PGAP1: variants seen among roughly 807,000 people sequenced by gnomAD.
The protein encoded by PGAP1 is post-GPI attachment to proteins inositol deacylase 1.
PGAP1 carries 76 observed loss-of-function variants against 127.0 expected under a neutral mutation model. The observed-to-expected ratio is 0.60, with a 90% CI of 0.50 to 0.72. PGAP1 has a LOEUF of 0.72. PGAP1 is among the 30% of genes least tolerant of loss of function. PGAP1 has a pLI of 0.00. For missense variants in PGAP1, 982 were observed against 1,071.3 expected, an observed-to-expected ratio of 0.92 and a Z score of 1.16; for synonymous variants, 362 against 366.5, an observed-to-expected ratio of 0.99 and a Z score of 0.14.
intron 9 of PGAP1, 29 bp downstream of exon 9, chr2:196,892,317 G>GA (rs113817459): frequency 2.3e-4 from 267 of 1,183,034 alleles, no homozygotes; most frequent in African/African-American, 1.6e-3. Flanking sequence ...GAAAAAACAT[G>GA]AAAAAAAATC....
intron 12 of PGAP1, among the ~76,000 whole-genome samples, 190 bp from the exon 13 acceptor site, chr2:196,880,343 T>C (rs1701693299): frequency 6.6e-6 from 1 of 152,048 alleles, no homozygotes; most frequent in South Asian, 2.1e-4. Flanking sequence ...ATCAAGTTCC[T>C]AATAATTATT....
intron 12 of PGAP1, among the ~76,000 whole-genome samples, chr2:196,882,030 G>C (rs537759609): frequency 1.3e-5 from 2 of 152,180 alleles, no homozygotes; most frequent in South Asian, 4.2e-4. Flanking sequence ...TTTGTATATG[G>C]TGTAAAGAAG....
chr2:196,835,535 G>A lies in PGAP1; in HGVS notation c.*5699C>T, dbSNP rs1700215476. On this transcript the variant is annotated 3_prime_UTR_variant, in exon 27 of 27. Transcript: ENST00000354764. ...CAATCACACAAAATAGAACACACTA[G>A]GCTACAAATCTTGAATATTTTCAAA... 6.6e-6 allele frequency: 1 copy of A among 151,944 alleles called. No homozygotes were observed. Among genetic ancestry groups the A allele is most frequent in the Non-Finnish European group, 1.5e-5 (1 of 67,850 alleles). The allele number at this position is 151,944 out of a possible 1,614,324, so 9.4% of individuals were successfully genotyped here.
intron 2 of PGAP1, among the ~76,000 whole-genome samples, chr2:196,916,890 T>C (rs1210885240): frequency 1.3e-5 from 2 of 152,220 alleles, no homozygotes; most frequent in South Asian, 2.1e-4. Flanking sequence ...AAGGGCAGGA[T>C]TCTTTGAAGA....
intron 1 of PGAP1, among the ~76,000 whole-genome samples, chr2:196,921,300 CAG>C (rs1252811580): frequency 6.6e-6 from 1 of 152,008 alleles, no homozygotes; most frequent in Non-Finnish European, 1.5e-5. Context: ...GAAACATCTG[CAG>C]AGACTGTAAG....
chr2:196,901,341 T>C (rs1702481012), intron 5 of PGAP1, among the ~76,000 whole-genome samples: 1 of 152,232 alleles, frequency 6.6e-6, no homozygotes, highest in African/African-American at 2.4e-5. Context: ...CTTAATAATT[T>C]TTGTTCTATG....
chr2:196,892,660 C>A (rs1576165384), intron 8 of PGAP1, among the ~76,000 whole-genome samples: 1 of 152,078 alleles, frequency 6.6e-6, no homozygotes, highest in Non-Finnish European at 1.5e-5. Context: ...ATAAATATTT[C>A]ATTTCCCAAA....
rs952424290 is a variant in PGAP1, at chr2:196,840,174, C to G, written c.*1060G>C. On this transcript the variant is annotated 3_prime_UTR_variant, in exon 27 of 27. Coordinates refer to ENST00000354764, the MANE Select transcript of PGAP1 (RefSeq NM_024989.4). ...CACTGTTAAACCTAGTGGCTAATGTCTCCAATTTATTCAGGTGTACTGTTT... is the reference window on the plus strand; with the variant it reads ...CACTGTTAAACCTAGTGGCTAATGTGTCCAATTTATTCAGGTGTACTGTTT... 6.6e-6 allele frequency: 1 copy of G among 152,132 alleles called. No individual in the cohort carries two copies. The highest frequency in any genetic ancestry group is 1.5e-5 in the Non-Finnish European group (1 of 68,016). 9.4% of individuals were successfully genotyped at this position (152,132 alleles called of 1,614,324 possible). A position where few individuals can be genotyped will look rare whatever the true frequency, so the allele number is the denominator to read the frequency against.
At position 196,865,854 on chromosome 2, in the gene PGAP1, C is replaced by T. The variant is rs576334417; in HGVS notation, c.1768-774G>A. ...AACAGACAAACAGAGAGCCAAATCA[C>T]GAGTAACTCCCATTCACAATTGCTA... On this transcript the variant is annotated intron_variant, in intron 19 of 26. Transcript: ENST00000354764. Among the ~76,000 whole-genome samples the T allele has an allele frequency of 3.6e-4, 55 of 152,008 alleles. No homozygotes were observed. In the South Asian group the frequency reaches 7.9e-3, roughly 22 times the overall value.
intron 20 of PGAP1, among the ~76,000 whole-genome samples, chr2:196,861,378 G>A (rs1422915994): frequency 6.6e-6 from 1 of 152,148 alleles, no homozygotes; most frequent in Non-Finnish European, 1.5e-5. Context: ...ACAAAGTGAA[G>A]AGATAAGCCA....
At position 196,913,073 on chromosome 2, in the gene PGAP1, G is replaced by A; in HGVS notation, c.478-20C>T. On this transcript the variant is annotated intron_variant, in intron 3 of 26. Coordinates refer to ENST00000354764, the MANE Select transcript of PGAP1 (RefSeq NM_024989.4). Reference sequence around the variant, plus strand: ...TTGACCCTATTAAAATAAATCACCAGGTCATAATTGCGGCTTTGTATCATT... The same window carrying A: ...TTGACCCTATTAAAATAAATCACCAAGTCATAATTGCGGCTTTGTATCATT... The A allele has an allele frequency of 6.4e-7, 1 of 1,566,350 alleles. No homozygotes were observed. Among genetic ancestry groups the A allele is most frequent in the Non-Finnish European group, 8.7e-7 (1 of 1,153,988 alleles).
intron 23 of PGAP1, among the ~76,000 whole-genome samples, chr2:196,845,574 C>T (rs1223106051): frequency 1.3e-5 from 2 of 150,220 alleles, no homozygotes; most frequent in Admixed American, 6.6e-5. Context: ...ATATAAACTG[C>T]CCTAGTGAAA....
rs1223217514 is a variant in PGAP1 at position 196,839,459 on chromosome 2, T to C, written c.*1775A>G. 3 of 152,238 alleles carry C rather than the reference T, an allele frequency of 2.0e-5. No individual in the cohort carries two copies. Among genetic ancestry groups the C allele is most frequent in the African/African-American group, 7.2e-5 (3 of 41,466 alleles). 9.4% of individuals were successfully genotyped at this position (152,238 alleles called of 1,614,324 possible). A position where few individuals can be genotyped will look rare whatever the true frequency, so the allele number is the denominator to read the frequency against. ...TCTCCAGCTGAAACATATAGCACTT[T>C]GTATTTTATCTCTTCTGCTACTTCT... On this transcript the variant is annotated 3_prime_UTR_variant, in exon 27 of 27. Transcript: ENST00000354764.
intron 14 of PGAP1, among the ~76,000 whole-genome samples, 188 bp downstream of exon 14, chr2:196,875,558 T>C (rs1200561278): frequency 6.6e-6 from 1 of 152,108 alleles, no homozygotes; most frequent in Non-Finnish European, 1.5e-5. Context: ...ATGTATGTGA[T>C]TATGGAAGTT....
intron 20 of PGAP1, among the ~76,000 whole-genome samples, chr2:196,860,251 G>C (rs1701021668): frequency 6.6e-6 from 1 of 152,112 alleles, no homozygotes; most frequent in Non-Finnish European, 1.5e-5. Flanking sequence ...AATCAAGAGG[G>C]CTGGGCGCAG....
rs752507663 is a variant in PGAP1 at position 196,926,517 on chromosome 2, C to T, written c.100G>A (p.Glu34Lys). 20 of 1,614,050 alleles carry T rather than the reference C, an allele frequency of 1.2e-5. No individual in the cohort carries two copies. The highest frequency in any genetic ancestry group is 2.2e-5 in the South Asian group (2 of 91,090). The change falls in exon 1 of 27, where the codon GAG becomes AAG. Residue 34 changes from glutamate to lysine, a missense_variant. Physicochemically the swap from Glu to Lys is moderately conservative, Grantham distance 56. Coordinates refer to ENST00000354764, the MANE Select transcript of PGAP1 (RefSeq NM_024989.4). ...GLWDVFFGFE[E>K]NKCSMSYMFE... ...ATGTAGCTCATACTGCACTTATTCTCCTCGAAGCCGAAGAAGACATCCCAC... is the reference window on the plus strand; with the variant it reads ...ATGTAGCTCATACTGCACTTATTCTTCTCGAAGCCGAAGAAGACATCCCAC...
chr2:196,841,564 C>A (rs904387272), intron 26 of PGAP1, among the ~76,000 whole-genome samples, 192 bp from the exon 27 acceptor site: 2 of 152,196 alleles, frequency 1.3e-5, no homozygotes, highest in African/African-American at 4.8e-5. Context: ...GTTGCCCAGG[C>A]TGGAGTGCAG....
Position 196,840,153 on chromosome 2 carries a change from G to A in PGAP1, c.*1081C>T, listed in dbSNP as rs530880493. The A allele has an allele frequency of 2.6e-4, 40 of 152,312 alleles. 1 individual carries two copies. Among genetic ancestry groups the A allele is most frequent in the Admixed American group, 5.9e-4 (9 of 15,294 alleles). The allele number at this position is 152,312 out of a possible 1,614,324, so 9.4% of individuals were successfully genotyped here. A position where few individuals can be genotyped will look rare whatever the true frequency, so the allele number is the denominator to read the frequency against. ...CACCTAGGCAAATCAAGATTCCACT[G>A]TTAAACCTAGTGGCTAATGTCTCCA... On this transcript the variant is annotated 3_prime_UTR_variant, in exon 27 of 27. Transcript: ENST00000354764.
At chr2:196,857,092 G>C (rs1324741762) in intron 20 of PGAP1, among the ~76,000 whole-genome samples, 2 of 152,180 alleles carry the variant, frequency 1.3e-5, no homozygotes, top group African/African-American at 4.8e-5. Context: ...AATAGGAAGA[G>C]AGGAAGTCAA....
Sources: gnomAD v4.1 joint callset for allele counts (sites outside exome capture counted in the v4.1 genomes callset) on GRCh38, gnomAD v4.1.1 for gene constraint, MANE v1.5 for transcripts, NCBI Gene and HGNC (gene_info 2026-07-23, HGNC 2026-07-21) for gene names.